TIPIN: variants seen among roughly 807,000 people sequenced by gnomAD.
TIPIN encodes the protein TIMELESS interacting protein.
A neutral mutation model predicts 35.6 loss-of-function variants in TIPIN; 29 were observed. The ratio of observed to expected loss-of-function variants is 0.82; its 90% CI spans 0.61 to 1.11. TIPIN has a LOEUF of 1.11. Among genes scored for constraint, TIPIN ranks in the 50% most tolerant of loss-of-function variants. The probability of loss-of-function intolerance (pLI) is 0.00; values close to 1 mark genes in which losing one functional copy is unlikely to be tolerated. For synonymous variants in TIPIN, 102 were observed against 121.5 expected, an observed-to-expected ratio of 0.84 and a Z score of 1.06; for missense variants, 296 against 345.4, an observed-to-expected ratio of 0.86 and a Z score of 1.13.
chr15:66,345,119 G>A (rs1280991349), intron 6 of TIPIN, among the ~76,000 whole-genome samples: 1 of 152,136 alleles, frequency 6.6e-6, no homozygotes. Flanking sequence ...GAGTGGGGAT[G>A]CAACTATAAC....
chr15:66,375,045 C>CGAAA (rs1398537550), intron 1 of TIPIN, among the ~76,000 whole-genome samples: 1 of 151,996 alleles, frequency 6.6e-6, no homozygotes, highest in African/African-American at 2.4e-5. Flanking sequence ...ATTGGATTGT[C>CGAAA]TATCTCTTTT....
rs1490108999 is a variant in TIPIN at position 66,338,781 on chromosome 15, T to G, written c.683-1600A>C. Among the ~76,000 whole-genome samples, 3 of 118,242 alleles carry G rather than the reference T, an allele frequency of 2.5e-5. No individual in the cohort carries two copies. In the East Asian group the frequency reaches 7.5e-4, roughly 29 times the overall value. The allele number at this position is 118,242 out of a possible 152,430, so 77.6% of individuals were successfully genotyped here. ...GTGAGCCGAGATCACGCCATTGCAC[T>G]CCAGCCTGGGTGACAGAGCAAGACT... On this transcript the variant is annotated intron_variant, in intron 7 of 7. Transcript: ENST00000261881.
intron 1 of TIPIN, chr15:66,379,583 A>G: frequency 1.2e-6 from 2 of 1,611,360 alleles, no homozygotes; most frequent in Non-Finnish European, 1.7e-6. Context: ...GGATTTCAAC[A>G]ACAGACCCAT....
intron 7 of TIPIN, among the ~76,000 whole-genome samples, chr15:66,338,083 C>T (rs1221002389): frequency 6.6e-6 from 1 of 152,014 alleles, no homozygotes; most frequent in African/African-American, 2.4e-5. Context: ...TGGTGAAACC[C>T]TGCCTCTACA....
chr15:66,362,952 T>TG (rs2093237847), intron 1 of TIPIN, among the ~76,000 whole-genome samples: 1 of 152,190 alleles, frequency 6.6e-6, no homozygotes, highest in Admixed American at 6.6e-5. Flanking sequence ...TGCCCCCACC[T>TG]GTACACCACA....
At chr15:66,366,273 G>A (rs533211935) in intron 1 of TIPIN, among the ~76,000 whole-genome samples, 1 of 151,860 alleles carries the variant, frequency 6.6e-6, no homozygotes, top group East Asian at 1.9e-4. Context: ...GGCCAACATG[G>A]TGAAACCCTG....
chr15:66,365,544 G>C (rs371799158), intron 1 of TIPIN, among the ~76,000 whole-genome samples: 7 of 151,762 alleles, frequency 4.6e-5, no homozygotes, highest in Admixed American at 2.0e-4. Context: ...TCTGCATATT[G>C]TTTTTTTTGT....
chr15:66,339,432 T>C (rs1417929888), intron 7 of TIPIN, among the ~76,000 whole-genome samples: 1 of 152,058 alleles, frequency 6.6e-6, no homozygotes, highest in Non-Finnish European at 1.5e-5. Flanking sequence ...TTTTTCCATT[T>C]TGAAAGGAAA....
intron 1 of TIPIN, among the ~76,000 whole-genome samples, chr15:66,364,149 C>A (rs1595810869): frequency 1.4e-5 from 2 of 140,614 alleles, no homozygotes; most frequent in Admixed American, 7.3e-5. Context: ...ATAGAGAAAT[C>A]TTTCTTTTCT....
chr15:66,347,587 CT>C (rs1340902684), intron 6 of TIPIN, among the ~76,000 whole-genome samples: 2 of 152,028 alleles, frequency 1.3e-5, no homozygotes, highest in African/African-American at 4.8e-5. Flanking sequence ...TGTACCAAGG[CT>C]TTGTTTTTTT....
At chr15:66,337,823 C>T (rs915066517) in intron 7 of TIPIN, among the ~76,000 whole-genome samples, 2 of 150,980 alleles carry the variant, frequency 1.3e-5, no homozygotes, top group Admixed American at 1.3e-4. Flanking sequence ...GAACCATGAT[C>T]GTGCCACTGC....
chr15:66,379,172 A>T, intron 1 of TIPIN: 3 of 934,998 alleles, frequency 3.2e-6, no homozygotes, highest in Non-Finnish European at 4.6e-6. Context: ...CACAGGCATG[A>T]GCCACTGTGC....
At chr15:66,365,010 T>C (rs554015846) in intron 1 of TIPIN, among the ~76,000 whole-genome samples, 4 of 139,790 alleles carry the variant, frequency 2.9e-5, no homozygotes, top group East Asian at 2.1e-4. Context: ...AGAAATATAA[T>C]TGGAGAAAAA....
At chr15:66,344,582 A>C (rs912500871) in intron 6 of TIPIN, among the ~76,000 whole-genome samples, 1 of 151,878 alleles carries the variant, frequency 6.6e-6, no homozygotes, top group Non-Finnish European at 1.5e-5. Context: ...TGGGTGCAGC[A>C]GCTCACGCCT....
intron 1 of TIPIN, among the ~76,000 whole-genome samples, chr15:66,362,931 T>C (rs2093237762): frequency 6.6e-6 from 1 of 152,176 alleles, no homozygotes. Context: ...CTCAGGATTC[T>C]GACATATACT....
intron 1 of TIPIN, among the ~76,000 whole-genome samples, chr15:66,370,274 G>C (rs1211406722): frequency 5.3e-5 from 8 of 152,088 alleles, no homozygotes; most frequent in Admixed American, 5.2e-4. Context: ...ACAGGTGCTG[G>C]ATCTGACATC....
intron 7 of TIPIN, among the ~76,000 whole-genome samples, chr15:66,339,423 T>G (rs1337241414): frequency 1.3e-5 from 2 of 152,198 alleles, no homozygotes; most frequent in East Asian, 3.9e-4. Context: ...TAATTCTTAT[T>G]TTTCCATTTT....
chr15:66,375,772 T>C (rs1205878458), intron 1 of TIPIN, among the ~76,000 whole-genome samples: 1 of 128,210 alleles, frequency 7.8e-6, no homozygotes, highest in East Asian at 2.4e-4. Context: ...AATTGCTCTT[T>C]TGTGCTTACG....
chr15:66,363,628 C>T (rs532037462), intron 1 of TIPIN, among the ~76,000 whole-genome samples: 43 of 151,322 alleles, frequency 2.8e-4, no homozygotes, highest in African/African-American at 1.0e-3. Flanking sequence ...GGCAACAGAG[C>T]GAGATCTGGT....
Sources: gnomAD v4.1 joint callset for allele counts (sites outside exome capture counted in the v4.1 genomes callset) on GRCh38, gnomAD v4.1.1 for gene constraint, MANE v1.5 for transcripts, NCBI Gene and HGNC (gene_info 2026-07-23, HGNC 2026-07-21) for gene names.